ZHX3: variants seen among roughly 807,000 people sequenced by gnomAD.
The protein encoded by ZHX3 is zinc fingers and homeoboxes protein 3.
ZHX3 carries 20 observed loss-of-function variants against 64.5 expected under a neutral mutation model. The observed-to-expected ratio is 0.31, with a 90% confidence interval of 0.22 to 0.45. The LOEUF (loss-of-function observed/expected upper bound fraction) is 0.45. ZHX3 is among the 20% of genes least tolerant of loss of function. The pLI, the probability that ZHX3 is intolerant of heterozygous loss-of-function variation, is 1.00. For synonymous variants in ZHX3, 423 were observed against 461.6 expected (o/e 0.92, Z 1.07); for missense variants, 1,041 against 1,195.8 (o/e 0.87, Z 1.91).
intron 2 of ZHX3, among the ~76,000 whole-genome samples, chr20:41,215,285 AAAAT>A (rs1426921489): frequency 1.1e-4 from 16 of 152,136 alleles, no homozygotes; most frequent in Non-Finnish European, 1.5e-4. Flanking sequence ...AATAAAAATA[AAAAT>A]AAATAAATGG....
At chr20:41,241,589 C>A (rs2146451077) in intron 2 of ZHX3, among the ~76,000 whole-genome samples, 2 of 152,256 alleles carry the variant, frequency 1.3e-5, no homozygotes, top group Non-Finnish European at 2.9e-5. Context: ...TTGCCCACTT[C>A]TGTTTCATGG....
intron 3 of ZHX3, among the ~76,000 whole-genome samples, chr20:41,194,086 T>A (rs1168394633): frequency 6.6e-6 from 1 of 152,218 alleles, no homozygotes; most frequent in Non-Finnish European, 1.5e-5. Flanking sequence ...TTATTTATTT[T>A]TTTTGCCTAA....
intron 1 of ZHX3, among the ~76,000 whole-genome samples, chr20:41,286,817 T>C (rs976933418): frequency 3.9e-5 from 6 of 152,116 alleles, no homozygotes; most frequent in African/African-American, 7.2e-5. Context: ...TGGGAGGTGA[T>C]TGGATATGGG....
chr20:41,192,362 G>A (rs1215939859), intron 3 of ZHX3, among the ~76,000 whole-genome samples: 1 of 152,234 alleles, frequency 6.6e-6, no homozygotes, highest in East Asian at 1.9e-4. Flanking sequence ...CCTATGATGT[G>A]TGCAGGTGCC....
intron 2 of ZHX3, among the ~76,000 whole-genome samples, chr20:41,206,827 A>G (rs1250085668): frequency 6.6e-6 from 1 of 152,152 alleles, no homozygotes; most frequent in Non-Finnish European, 1.5e-5. Flanking sequence ...GAGAAGAGCA[A>G]CTCCAAAACA....
chr20:41,194,466 T>A (rs1367786837), intron 3 of ZHX3, among the ~76,000 whole-genome samples: 1 of 152,226 alleles, frequency 6.6e-6, no homozygotes, highest in Non-Finnish European at 1.5e-5. Context: ...CTGCTGAATT[T>A]GGCTTGCTAT....
intron 1 of ZHX3, among the ~76,000 whole-genome samples, chr20:41,308,762 C>G (rs539433226): frequency 6.6e-6 from 1 of 152,252 alleles, no homozygotes; most frequent in South Asian, 2.1e-4. Flanking sequence ...CTACCAGTAT[C>G]ATAATATTAA....
At chr20:41,225,466 CAT>C (rs2040204203) in intron 2 of ZHX3, among the ~76,000 whole-genome samples, 1 of 152,138 alleles carries the variant, frequency 6.6e-6, no homozygotes, top group Non-Finnish European at 1.5e-5. Context: ...AAACACATAA[CAT>C]AAAATTCATT....
At chr20:41,266,099 T>C in intron 2 of ZHX3, among the ~76,000 whole-genome samples, 1 of 152,312 alleles carries the variant, frequency 6.6e-6, no homozygotes, top group South Asian at 2.1e-4. Flanking sequence ...TGAGGTCATA[T>C]GTAAGATAAA....
intron 2 of ZHX3, among the ~76,000 whole-genome samples, chr20:41,265,632 C>T (rs1982730502): frequency 6.6e-6 from 1 of 152,118 alleles, no homozygotes; most frequent in South Asian, 2.1e-4. Flanking sequence ...ACACCTCCCC[C>T]AAGACAAATT....
At chr20:41,233,740 C>G (rs1433201530) in intron 2 of ZHX3, among the ~76,000 whole-genome samples, 1 of 152,172 alleles carries the variant, frequency 6.6e-6, no homozygotes, top group Non-Finnish European at 1.5e-5. Context: ...GACATCAGAA[C>G]AGAACTTACA....
chr20:41,303,356 C>T (rs895514392), intron 1 of ZHX3, among the ~76,000 whole-genome samples: 9 of 152,146 alleles, frequency 5.9e-5, no homozygotes, highest in African/African-American at 1.9e-4. Context: ...TGGAGGTCTT[C>T]GTAAATATCA....
At chr20:41,236,542 C>T (rs527587189) in intron 2 of ZHX3, among the ~76,000 whole-genome samples, 45 of 152,224 alleles carry the variant, frequency 3.0e-4, no homozygotes, top group Admixed American at 7.9e-4. Context: ...ATTTAATAAA[C>T]GGTGCTGGGA....
intron 3 of ZHX3, chr20:41,196,556 TTATA>T (rs1379927048): frequency 1.2e-5 from 1 of 82,550 alleles, no homozygotes; most frequent in African/African-American, 5.0e-5. Context: ...ATAATATATA[TTATA>T]TATAATATAT....
intron 1 of ZHX3, among the ~76,000 whole-genome samples, chr20:41,303,330 G>T (rs1568964603): frequency 6.6e-6 from 1 of 152,216 alleles, no homozygotes; most frequent in Non-Finnish European, 1.5e-5. Context: ...TAGTAGAACT[G>T]ATAAAAGGCA....
intron 2 of ZHX3, among the ~76,000 whole-genome samples, chr20:41,218,932 T>TC (rs1346023385): frequency 6.9e-6 from 1 of 144,934 alleles, no homozygotes; most frequent in Non-Finnish European, 1.5e-5. Context: ...TGTTTTTTTT[T>TC]TTTTTTTTTT....
intron 2 of ZHX3, among the ~76,000 whole-genome samples, chr20:41,237,075 A>G (rs1369784006): frequency 6.6e-6 from 1 of 152,218 alleles, no homozygotes; most frequent in East Asian, 1.9e-4. Flanking sequence ...ACCATCTCAC[A>G]CCAGTTAGAA....
intron 2 of ZHX3, among the ~76,000 whole-genome samples, chr20:41,241,505 T>A (rs1421408443): frequency 6.6e-6 from 1 of 152,250 alleles, no homozygotes; most frequent in African/African-American, 2.4e-5. Context: ...AGAAGCTTTT[T>A]AACTTGATGT....
At chr20:41,186,283 C>T (rs981926111) in intron 3 of ZHX3, among the ~76,000 whole-genome samples, 1 of 152,172 alleles carries the variant, frequency 6.6e-6, no homozygotes, top group African/African-American at 2.4e-5. Context: ...TGACATCTCA[C>T]TTAGCAAAAA....
Sources: gnomAD v4.1 joint callset for allele counts (sites outside exome capture counted in the v4.1 genomes callset) on GRCh38, gnomAD v4.1.1 for gene constraint, MANE v1.5 for transcripts, NCBI Gene and HGNC (gene_info 2026-07-23, HGNC 2026-07-21) for gene names.